The following TCHP variants were observed in gnomAD, a reference collection of about 807,000 sequenced individuals.
TCHP encodes the protein trichoplein keratin filament binding.
A neutral mutation model predicts 88.7 loss-of-function variants in TCHP; 81 were observed. The observed-to-expected ratio is 0.91, with a 90% confidence interval of 0.76 to 1.10. The LOEUF is 1.10. Ranked by LOEUF, TCHP falls within the 50% of genes least tolerant of loss-of-function variation. TCHP has a pLI of 0.00. For missense variants in TCHP, 641 were observed against 632.1 expected (o/e 1.01, Z -0.15); for synonymous variants, 232 against 232.5 (o/e 1.00, Z 0.02).
intron 1 of TCHP, among the ~76,000 whole-genome samples, chr12:109,902,686 A>AG (rs1869873207): frequency 6.6e-6 from 1 of 152,056 alleles, no homozygotes; most frequent in Non-Finnish European, 1.5e-5. Context: ...ATGTTGGCGC[A>AG]GCTGGTCTCG....
chr12:109,898,181 G>A (rs998924206), upstream of TCHP, among the ~76,000 whole-genome samples: 7 of 152,094 alleles, frequency 4.6e-5, no homozygotes, highest in Non-Finnish European at 8.8e-5. Flanking sequence ...ATTCTCACAC[G>A]GGCAACCCTA....
the TCHP span, among the ~76,000 whole-genome samples, chr12:109,893,439 A>T: frequency 2.0e-5 from 3 of 151,670 alleles, no homozygotes; most frequent in South Asian, 6.2e-4. Flanking sequence ...GTCACCAAGG[A>T]TTGCTCTTGG....
Position 109,917,057 on chromosome 12 carries a change from A to AT in TCHP, c.*436dup, listed in dbSNP as rs1367562679. The AT allele has an allele frequency of 2.5e-5, 4 of 156,998 alleles. No individual in the cohort carries two copies. Among genetic ancestry groups the AT allele is most frequent in the Non-Finnish European group, 5.6e-5 (4 of 71,410 alleles). 9.7% of individuals were successfully genotyped at this position (156,998 alleles called of 1,614,324 possible). A position where few individuals can be genotyped will look rare whatever the true frequency, so the allele number is the denominator to read the frequency against. On this transcript the variant is annotated 3_prime_UTR_variant, in exon 13 of 13. Coordinates refer to ENST00000405876, the MANE Select transcript of TCHP (RefSeq NM_001143852.2). Reference sequence around the variant, plus strand: ...TAAAATTGCCATTTAAATTTAGTCTATTAAAAACAAACCTAGAGGTCTTGG... The same window carrying AT: ...TAAAATTGCCATTTAAATTTAGTCTATTTAAAAACAAACCTAGAGGTCTTGG...
In TCHP at chr12:109,905,085, C is replaced by A; in HGVS notation, c.456+292C>A. On this transcript the variant is annotated intron_variant, in intron 4 of 12. Coordinates refer to ENST00000405876, the MANE Select transcript of TCHP (RefSeq NM_001143852.2). This position sits in a 1 kb window ranked among gnomAD's most constrained non-coding sequence, Gnocchi z 4.0. ...TCCAGCATGGGAGCTCATTACAGGG[C>A]AGGATGCAGGGTGCTGGGCCAGCCT... is the stretch of plus-strand genomic sequence containing the variant. The A allele has an allele frequency of 2.4e-6, 1 of 422,774 alleles. No individual in the cohort carries two copies. The highest frequency in any genetic ancestry group is 4.3e-6 in the Non-Finnish European group (1 of 232,486). 26.2% of individuals were successfully genotyped at this position (422,774 alleles called of 1,614,324 possible).
rs187183033 is a variant in TCHP at position 109,912,740 on chromosome 12, G to A, written c.1053-251G>A. 1.4e-4 allele frequency among the ~76,000 whole-genome samples: 21 copies of A among 152,236 alleles called. No homozygotes were observed. In the East Asian group the frequency reaches 3.5e-3, roughly 25 times the overall value. On this transcript the variant is annotated intron_variant, in intron 9 of 12. Transcript: ENST00000405876. ...TGGGAGGTGGAGGTTGCAGTGAGCC[G>A]AGATCGCACCACTGCACTCTAGCCT...
In TCHP at chr12:109,917,748, T is replaced by C. The variant is rs1870894630; in HGVS notation, c.*1125T>C. 1 of 152,644 alleles carries C rather than the reference T, an allele frequency of 6.6e-6. No homozygotes were observed. Among genetic ancestry groups the C allele is most frequent in the Admixed American group, 6.5e-5 (1 of 15,276 alleles). The allele number at this position is 152,644 out of a possible 1,614,324, so 9.5% of individuals were successfully genotyped here. A position where few individuals can be genotyped will look rare whatever the true frequency, so the allele number is the denominator to read the frequency against. On this transcript the variant is annotated 3_prime_UTR_variant, in exon 13 of 13. Transcript: ENST00000405876. ...ATGACTTGTATTTTTACTATACCCT[T>C]CCTCTGAGGTTTAGTTTTCATCACA...
rs569345819 is a variant in TCHP, at chr12:109,914,624, C to T, written c.1317C>T (p.Ala439=). ...CGGCCAGGAAGCAGGAGCTGGAAGCCCAGGTAGGGCTGAGCCCAAGGGCGG... is the reference window on the plus strand; with the variant it reads ...CGGCCAGGAAGCAGGAGCTGGAAGCTCAGGTAGGGCTGAGCCCAAGGGCGG... ...LKSARKQELE[A]QVAERRLQAW... is the part of the protein sequence containing the mutation. Residue 439 remains alanine (A), a synonymous_variant, in exon 11 of 13, where the codon GCC becomes GCT. Transcript: ENST00000405876. 1 of 1,610,294 alleles carries T rather than the reference C, an allele frequency of 6.2e-7. No homozygotes were observed. Among genetic ancestry groups the T allele is most frequent in the Non-Finnish European group, 8.5e-7 (1 of 1,179,172 alleles).
At chr12:109,899,408 G>A (rs542956619), upstream of TCHP, among the ~76,000 whole-genome samples, 2 of 152,250 alleles carry the variant, frequency 1.3e-5, no homozygotes, top group East Asian at 3.9e-4. Flanking sequence ...GGGAGCCTGA[G>A]GCAGGCGCAT....
At chr12:109,881,858 C>A in the TCHP span, among the ~76,000 whole-genome samples, 1 of 152,202 alleles carries the variant, frequency 6.6e-6, no homozygotes, top group Non-Finnish European at 1.5e-5. Flanking sequence ...ATCTAACACA[C>A]CATTGTTGAG....
chr12:109,914,466 A>T lies in TCHP; in HGVS notation c.1159A>T (p.Ile387Leu), dbSNP rs552187642. The change falls in exon 11 of 13, where the codon ATA (isoleucine) becomes TTA (leucine). Residue 387 changes from isoleucine (I) to leucine (L), a missense_variant. Ile to Leu is a conservative substitution (Grantham distance 5). Coordinates refer to ENST00000405876, the MANE Select transcript of TCHP (RefSeq NM_001143852.2). ...GGTTCTGACAGGGAGACAACAGCAA[A>T]TACAAGAGAAGATTGAGCAGAACCG... is the stretch of plus-strand genomic sequence containing the variant. Reference protein sequence around the residue: ...SEVLTGRQQQIQEKIEQNRRA... With the variant: ...SEVLTGRQQQLQEKIEQNRRA... 6.2e-7 allele frequency: 1 copy of T among 1,613,646 alleles called. No individual in the cohort carries two copies. The highest frequency in any genetic ancestry group is 1.1e-5 in the South Asian group (1 of 91,026).
intron 6 of TCHP, 148 bp downstream of exon 6, chr12:109,907,847 C>A: frequency 1.2e-6 from 1 of 812,646 alleles, no homozygotes; most frequent in Non-Finnish European, 1.9e-6. Flanking sequence ...CTCTCACATG[C>A]ATCCCCATCT....
chr12:109,897,175 T>C (rs1369378568), upstream of TCHP, among the ~76,000 whole-genome samples: 2 of 152,288 alleles, frequency 1.3e-5, no homozygotes, highest in African/African-American at 4.8e-5. Flanking sequence ...GGCAATAAGA[T>C]ATCTCATAGA....
rs564081084 is a variant in TCHP, at chr12:109,908,570, C to G, written c.700-16C>G. On this transcript the variant is annotated splice_polypyrimidine_tract_variant and intron_variant, in intron 6 of 12. Coordinates refer to ENST00000405876, the MANE Select transcript of TCHP (RefSeq NM_001143852.2). ...ATCTCAGATCTCAGTCGAGCTTACT[C>G]TCATCATCACCACAGGCGACCAAAC... The G allele has an allele frequency of 4.5e-5, 72 of 1,583,244 alleles. No individual in the cohort carries two copies. Among genetic ancestry groups the G allele is most frequent in the East Asian group, 1.4e-4 (6 of 44,062 alleles).
chr12:109,884,634 G>A, the TCHP span, among the ~76,000 whole-genome samples: 1 of 152,140 alleles, frequency 6.6e-6, no homozygotes, highest in African/African-American at 2.4e-5. Context: ...AAAATTGCTT[G>A]ATTTTTAAAT....
upstream of TCHP, among the ~76,000 whole-genome samples, chr12:109,898,004 G>T (rs1365201661): frequency 6.6e-6 from 1 of 152,174 alleles, no homozygotes; most frequent in Non-Finnish European, 1.5e-5. Flanking sequence ...CCATGAATTT[G>T]CCCAAGGGGG....
At chr12:109,904,363 C>T (rs549293855) in intron 3 of TCHP, among the ~76,000 whole-genome samples, 31 of 152,302 alleles carry the variant, frequency 2.0e-4, no homozygotes, top group Non-Finnish European at 3.2e-4. Context: ...CATCTGAGTG[C>T]TTTTCCTTTC....
upstream of TCHP, among the ~76,000 whole-genome samples, chr12:109,897,988 G>A (rs993084116): frequency 4.6e-5 from 7 of 152,222 alleles, no homozygotes; most frequent in African/African-American, 1.7e-4. Flanking sequence ...CAACATGAAA[G>A]AGTGGCCATG....
intron 1 of TCHP, among the ~76,000 whole-genome samples, chr12:109,901,900 C>A (rs1869820575): frequency 6.6e-6 from 1 of 152,168 alleles, no homozygotes. Flanking sequence ...CAAACTGTGG[C>A]GTTTCTCTAA....
the TCHP span, among the ~76,000 whole-genome samples, chr12:109,886,167 T>C: frequency 6.6e-6 from 1 of 152,178 alleles, no homozygotes; most frequent in South Asian, 2.1e-4. Flanking sequence ...AGACAGAGTC[T>C]TGCTCTGTCG....
Sources: gnomAD v4.1 joint callset for allele counts (sites outside exome capture counted in the v4.1 genomes callset) on GRCh38, gnomAD v4.1.1 for gene constraint, Gnocchi (gnomAD v3.1) non-coding constraint, MANE v1.5 for transcripts, NCBI Gene and HGNC (gene_info 2026-07-23, HGNC 2026-07-21) for gene names.